TDRD3: variants seen among roughly 807,000 people sequenced by gnomAD.
TDRD3 encodes tudor domain-containing protein 3.
Under a neutral mutation model 86.7 loss-of-function variants are expected in TDRD3, and 45 were observed. That is an observed-to-expected ratio of 0.52 (90% CI 0.41 to 0.67). The LOEUF (loss-of-function observed/expected upper bound fraction) is 0.67, where lower values mean the gene tolerates loss of function less well. TDRD3 is among the 30% of genes least tolerant of loss of function. TDRD3 has a pLI of 0.00. For missense variants in TDRD3, 814 were observed against 889.0 expected, an observed-to-expected ratio of 0.92 and a Z score of 1.07; for synonymous variants, 298 against 301.7, an observed-to-expected ratio of 0.99 and a Z score of 0.13.
At chr13:60,441,278 T>TG (rs1454427738) in intron 2 of TDRD3, among the ~76,000 whole-genome samples, 3 of 152,088 alleles carry the variant, frequency 2.0e-5, no homozygotes, top group Non-Finnish European at 4.4e-5. Context: ...GACAATTTGC[T>TG]GGGGTTTTTT....
intron 5 of TDRD3, among the ~76,000 whole-genome samples, chr13:60,474,885 G>T (rs1169307471): frequency 1.4e-5 from 2 of 147,888 alleles, no homozygotes; most frequent in Admixed American, 6.7e-5. Flanking sequence ...TTGTCAGAAT[G>T]TTTTTTTTTT....
At chr13:60,490,855 C>T (rs1043443797) in intron 7 of TDRD3, among the ~76,000 whole-genome samples, 5 of 152,096 alleles carry the variant, frequency 3.3e-5, no homozygotes, top group African/African-American at 9.7e-5. Context: ...CAGTGGCTCA[C>T]GCCTGTAATC....
intron 2 of TDRD3, among the ~76,000 whole-genome samples, chr13:60,441,933 A>G (rs1955284967): frequency 6.6e-6 from 1 of 152,184 alleles, no homozygotes; most frequent in African/African-American, 2.4e-5. Flanking sequence ...ACCATAAATC[A>G]TATTGTTTAT....
At chr13:60,493,459 C>T (rs527917016) in intron 7 of TDRD3, among the ~76,000 whole-genome samples, 7 of 151,920 alleles carry the variant, frequency 4.6e-5, no homozygotes, top group East Asian at 2.0e-4. Flanking sequence ...GTCAGGAGTT[C>T]GAGACCAGCC....
chr13:60,546,174 T>C (rs1010862308), intron 12 of TDRD3, among the ~76,000 whole-genome samples: 3 of 152,138 alleles, frequency 2.0e-5, no homozygotes, highest in Non-Finnish European at 2.9e-5. Flanking sequence ...TACTTGGCCA[T>C]ACTGGTGGTG....
At position 60,401,242 on chromosome 13, in the gene TDRD3, T is replaced by TA. The variant is rs1003256497; in HGVS notation, c.41+3846dup. On this transcript the variant is annotated intron_variant, in intron 1 of 13. Transcript: ENST00000377881. ...CACAGATCTAAAATATTTGGAAAAA[T>TA]AAAAAAAAATAAAAATAACAATACA... is the stretch of plus-strand genomic sequence containing the variant. Among the ~76,000 whole-genome samples the TA allele has an allele frequency of 7.9e-3, 1,180 of 149,082 alleles. 19 individuals carry two copies. Among genetic ancestry groups the TA allele is most frequent in the African/African-American group, 0.028 (1,129 of 40,364 alleles).
At chr13:60,450,177 T>C (rs1955503796) in intron 3 of TDRD3, among the ~76,000 whole-genome samples, 1 of 152,192 alleles carries the variant, frequency 6.6e-6, no homozygotes, top group Non-Finnish European at 1.5e-5. Flanking sequence ...CAGTTTTTTG[T>C]TGCTAGAGCA....
intron 5 of TDRD3, among the ~76,000 whole-genome samples, chr13:60,479,426 A>G (rs1956265918): frequency 6.6e-6 from 1 of 152,200 alleles, no homozygotes; most frequent in African/African-American, 2.4e-5. Flanking sequence ...CATTTGGTCA[A>G]TCTTAGACTA....
intron 5 of TDRD3, among the ~76,000 whole-genome samples, chr13:60,474,009 A>G (rs1324082114): frequency 6.6e-6 from 1 of 152,178 alleles, no homozygotes; most frequent in East Asian, 1.9e-4. Context: ...GTCCTCAGCC[A>G]TCCAGAGGCC....
intron 12 of TDRD3, among the ~76,000 whole-genome samples, chr13:60,557,820 A>T (rs1361558302): frequency 4.7e-3 from 418 of 88,084 alleles, no homozygotes; most frequent in Middle Eastern, 9.6e-3. Flanking sequence ...TTTTTTCCTG[A>T]TTTTTTTTTT....
At chr13:60,427,654 C>G (rs1420549888) in intron 1 of TDRD3, among the ~76,000 whole-genome samples, 2 of 152,044 alleles carry the variant, frequency 1.3e-5, no homozygotes, top group Non-Finnish European at 2.9e-5. Flanking sequence ...TAAGAAGGGC[C>G]ACTGACACTC....
chr13:60,467,189 A>G (rs1343599090), intron 4 of TDRD3, 49 bp from the exon 5 acceptor site: 7 of 1,604,224 alleles, frequency 4.4e-6, no homozygotes, highest in Middle Eastern at 1.7e-4. Flanking sequence ...CCCTGTGTCC[A>G]TGTGTTCTCA....
At chr13:60,499,056 G>T in intron 8 of TDRD3, among the ~76,000 whole-genome samples, 1 of 152,168 alleles carries the variant, frequency 6.6e-6, no homozygotes, top group East Asian at 1.9e-4. Flanking sequence ...GTAGGGTGAG[G>T]GTGATTATGG....
intron 12 of TDRD3, among the ~76,000 whole-genome samples, chr13:60,549,592 G>T (rs1262502996): frequency 6.6e-6 from 1 of 151,966 alleles, no homozygotes; most frequent in Non-Finnish European, 1.5e-5. Flanking sequence ...GTGTGCACGT[G>T]TATGTGCACG....
intron 5 of TDRD3, among the ~76,000 whole-genome samples, chr13:60,480,453 T>C (rs541311594): frequency 8.5e-5 from 13 of 152,344 alleles, no homozygotes; most frequent in African/African-American, 2.9e-4. Context: ...GAGAATCTGA[T>C]GACTATGTGT....
At chr13:60,464,430 A>G (rs1014139240) in intron 4 of TDRD3, among the ~76,000 whole-genome samples, 4 of 152,200 alleles carry the variant, frequency 2.6e-5, no homozygotes, top group Non-Finnish European at 4.4e-5. Context: ...GGAAGTCAGC[A>G]TATTGAGGAA....
intron 2 of TDRD3, among the ~76,000 whole-genome samples, chr13:60,442,823 T>G (rs1955311389): frequency 6.6e-6 from 1 of 152,022 alleles, no homozygotes; most frequent in Non-Finnish European, 1.5e-5. Flanking sequence ...AGTGACAGTG[T>G]CCTAGATCAT....
At position 60,452,295 on chromosome 13, in the gene TDRD3, A is replaced by T. The variant is rs960918010; in HGVS notation, c.192+7547A>T. 7.9e-5 allele frequency among the ~76,000 whole-genome samples: 12 copies of T among 152,130 alleles called. No homozygotes were observed. The East Asian group carries it at 1.5e-3, about 20-fold the overall frequency. On this transcript the variant is annotated intron_variant, in intron 3 of 13. Coordinates refer to ENST00000377881, the MANE Select transcript of TDRD3 (RefSeq NM_001146070.2). The stretch of plus-strand genomic sequence containing the variant: ...TTGTTATTGTAAATGGTGTTTAAAA[A>T]TTTTTTAATTACTATTTCCTCTGTT...
chr13:60,502,889 G>GA (rs2137613581), intron 8 of TDRD3, among the ~76,000 whole-genome samples: 1 of 152,256 alleles, frequency 6.6e-6, no homozygotes, highest in East Asian at 1.9e-4. Context: ...GTTGCAAAAG[G>GA]AAAATGGATT....
Sources: gnomAD v4.1 joint callset for allele counts (sites outside exome capture counted in the v4.1 genomes callset) on GRCh38, gnomAD v4.1.1 for gene constraint, MANE v1.5 for transcripts, NCBI Gene and HGNC (gene_info 2026-07-23, HGNC 2026-07-21) for gene names.